FGGY: variants seen among roughly 807,000 people sequenced by gnomAD.
FGGY encodes FGGY carbohydrate kinase domain containing.
Under a neutral mutation model 71.3 loss-of-function variants are expected in FGGY, and 72 were observed. The observed-to-expected ratio is 1.01, with a 90% CI of 0.84 to 1.23. The LOEUF (loss-of-function observed/expected upper bound fraction) is 1.23. Among genes scored for constraint, FGGY ranks in the 50% most tolerant of loss-of-function variants. FGGY has a pLI of 0.00. For missense variants in FGGY, 668 were observed against 682.3 expected, an observed-to-expected ratio of 0.98 and a Z score of 0.23; for synonymous variants, 251 against 250.3, an observed-to-expected ratio of 1.00 and a Z score of -0.02.
intron 8 of FGGY, among the ~76,000 whole-genome samples, chr1:59,594,951 T>C (rs1303185732): frequency 6.6e-6 from 1 of 152,210 alleles, no homozygotes; most frequent in African/African-American, 2.4e-5. Flanking sequence ...ACTCTGACCC[T>C]TGGGCCCCTC....
intron 12 of FGGY, among the ~76,000 whole-genome samples, chr1:59,665,936 G>A (rs940907896): frequency 3.3e-5 from 5 of 152,176 alleles, no homozygotes; most frequent in Non-Finnish European, 7.3e-5. Context: ...GCCTCCCAAA[G>A]TGCTGGGATT....
At chr1:59,347,432 C>A (rs1313925513) in intron 4 of FGGY, among the ~76,000 whole-genome samples, 1 of 152,100 alleles carries the variant, frequency 6.6e-6, no homozygotes, top group Non-Finnish European at 1.5e-5. Context: ...GTGAACTCAT[C>A]ATTTTTTATG....
chr1:59,512,547 T>C, intron 7 of FGGY, 108 bp downstream of exon 7: 1 of 1,207,734 alleles, frequency 8.3e-7, no homozygotes, highest in Non-Finnish European at 1.1e-6. Context: ...AGGACTTTGG[T>C]GTTTCAGGAT....
chr1:59,538,509 A>G (rs2095376334), intron 7 of FGGY, among the ~76,000 whole-genome samples: 1 of 149,842 alleles, frequency 6.7e-6, no homozygotes, highest in South Asian at 2.1e-4. Flanking sequence ...TACCCAAAGG[A>G]CTATAAATCA....
chr1:59,584,213 A>AC lies in FGGY; in HGVS notation c.904-23590_904-23589insC, dbSNP rs533624288. Reference sequence around the variant, plus strand: ...AAAGCCTGGCAGAGACACAACAACAAAAAAAAAGAGAATTTTAGACCAATA... The same window carrying AC: ...AAAGCCTGGCAGAGACACAACAACAACAAAAAAAGAGAATTTTAGACCAATA... On this transcript the variant is annotated intron_variant, in intron 8 of 15. Coordinates refer to ENST00000303721, the MANE Select transcript of FGGY (RefSeq NM_018291.5). 4.1e-4 allele frequency among the ~76,000 whole-genome samples: 47 copies of AC among 114,942 alleles called. 2 individuals are homozygous for AC. The highest frequency in any genetic ancestry group is 1.5e-3 in the African/African-American group (43 of 28,560). The allele number at this position is 114,942 out of a possible 152,430, so 75.4% of individuals were successfully genotyped here. A position where few individuals can be genotyped will look rare whatever the true frequency, so the allele number is the denominator to read the frequency against.
At chr1:59,585,755 A>T (rs74478719) in intron 8 of FGGY, among the ~76,000 whole-genome samples, 18,650 of 152,172 alleles carry the variant, frequency 0.12, 1,320 homozygotes, top group South Asian at 0.3. Context: ...GGGAGAAAAT[A>T]TTCACAACCT....
intron 14 of FGGY, among the ~76,000 whole-genome samples, chr1:59,731,614 T>C (rs1476165692): frequency 6.6e-6 from 1 of 151,342 alleles, no homozygotes; most frequent in Non-Finnish European, 1.5e-5. Flanking sequence ...TTCCTTTTTT[T>C]GCTGAAGTGA....
chr1:59,587,836 A>C (rs1291787296), intron 8 of FGGY, among the ~76,000 whole-genome samples: 1 of 152,140 alleles, frequency 6.6e-6, no homozygotes, highest in South Asian at 2.1e-4. Context: ...ATAAAACCAC[A>C]AAGATGGGGA....
At chr1:59,507,924 C>T (rs577519691) in intron 6 of FGGY, among the ~76,000 whole-genome samples, 6 of 152,230 alleles carry the variant, frequency 3.9e-5, no homozygotes, top group South Asian at 4.2e-4. Context: ...TGAAGCCCTC[C>T]GCTGCCTCTT....
intron 14 of FGGY, among the ~76,000 whole-genome samples, chr1:59,689,764 G>A (rs1003639392): frequency 6.6e-6 from 1 of 152,146 alleles, no homozygotes; most frequent in Non-Finnish European, 1.5e-5. Context: ...TGTGTATAGG[G>A]TGTTATAAAA....
At chr1:59,750,965 C>T (rs2098240375) in intron 14 of FGGY, among the ~76,000 whole-genome samples, 1 of 151,768 alleles carries the variant, frequency 6.6e-6, no homozygotes, top group South Asian at 2.1e-4. Flanking sequence ...CACACGTGCT[C>T]GTCTCACTCC....
chr1:59,356,471 C>T (rs747215112), intron 4 of FGGY, among the ~76,000 whole-genome samples: 9 of 152,198 alleles, frequency 5.9e-5, no homozygotes, highest in Non-Finnish European at 1.3e-4. Flanking sequence ...TAGGGTCCTA[C>T]ACTCTGTCCC....
chr1:59,396,274 C>A (rs925752104), intron 5 of FGGY, among the ~76,000 whole-genome samples: 1 of 152,158 alleles, frequency 6.6e-6, no homozygotes, highest in African/African-American at 2.4e-5. Flanking sequence ...CTTTTGCATA[C>A]TCCTGATTTT....
chr1:59,522,377 T>C (rs1363154537), intron 7 of FGGY, among the ~76,000 whole-genome samples: 1 of 152,180 alleles, frequency 6.6e-6, no homozygotes, highest in Admixed American at 6.5e-5. Context: ...CTGCTTAATA[T>C]CCTTCTGGAC....
intron 5 of FGGY, among the ~76,000 whole-genome samples, chr1:59,436,433 G>A (rs531755303): frequency 6.6e-6 from 1 of 152,150 alleles, no homozygotes; most frequent in South Asian, 2.1e-4. Flanking sequence ...TAACTCTATA[G>A]TTATTTTTGT....
At chr1:59,312,339 G>T (rs2044495941) in intron 1 of FGGY, among the ~76,000 whole-genome samples, 1 of 152,104 alleles carries the variant, frequency 6.6e-6, no homozygotes, top group South Asian at 2.1e-4. Context: ...GTCCCTCTAA[G>T]GGCTTTGTGA....
At chr1:59,351,324 C>A (rs1053835980) in intron 4 of FGGY, among the ~76,000 whole-genome samples, 1 of 152,180 alleles carries the variant, frequency 6.6e-6, no homozygotes, top group Non-Finnish European at 1.5e-5. Flanking sequence ...AGTGTTCTTC[C>A]CTCTACTCAC....
intron 6 of FGGY, among the ~76,000 whole-genome samples, chr1:59,494,019 G>A (rs2093958661): frequency 6.6e-6 from 1 of 152,120 alleles, no homozygotes; most frequent in South Asian, 2.1e-4. Flanking sequence ...GCAGCCTAGG[G>A]TTTGATTCAG....
chr1:59,682,642 C>T (rs926859054), intron 14 of FGGY, among the ~76,000 whole-genome samples: 1 of 152,206 alleles, frequency 6.6e-6, no homozygotes, highest in Non-Finnish European at 1.5e-5. Context: ...CTCTAATCTC[C>T]TGCCTGCCTC....
Sources: allele counts gnomAD v4.1 joint callset (sites outside exome capture counted in the v4.1 genomes callset), GRCh38; gene constraint gnomAD v4.1.1; transcripts MANE v1.5; gene names NCBI Gene and HGNC (gene_info 2026-07-23, HGNC 2026-07-21).